SKIC3: variants seen among roughly 807,000 people sequenced by gnomAD.
SKIC3 encodes the protein superkiller complex protein 3.
the SKIC3 span, chr5:95,516,507 G>C: frequency 1.2e-6 from 2 of 1,613,032 alleles, no homozygotes; most frequent in East Asian, 2.2e-5. Flanking sequence ...CTTTTTCATA[G>C]ACACATAGAA....
the SKIC3 span, chr5:95,550,700 C>T: frequency 6.6e-6 from 1 of 152,392 alleles, no homozygotes; most frequent in East Asian, 1.9e-4. Flanking sequence ...AAGGATGACA[C>T]CCACAACCCA....
At chr5:95,504,910 C>T in the SKIC3 span, among the ~76,000 whole-genome samples, 3 of 151,858 alleles carry the variant, frequency 2.0e-5, no homozygotes, top group African/African-American at 7.3e-5. Context: ...GAGGCTGAGG[C>T]AGGAGAATCA....
chr5:95,554,228 T>C, the SKIC3 span, among the ~76,000 whole-genome samples: 4 of 151,950 alleles, frequency 2.6e-5, no homozygotes, highest in Admixed American at 2.0e-4. Flanking sequence ...AAAAAAAACC[T>C]GCCAGATATT....
the SKIC3 span, among the ~76,000 whole-genome samples, chr5:95,474,977 G>C: frequency 6.6e-6 from 1 of 152,088 alleles, no homozygotes; most frequent in Non-Finnish European, 1.5e-5. Context: ...TTCTTTCTTA[G>C]GATGACTATT....
chr5:95,468,094 G>T, the SKIC3 span: 1 of 1,424,876 alleles, frequency 7.0e-7, no homozygotes, highest in Non-Finnish European at 9.6e-7. Flanking sequence ...TTTTGCAGAT[G>T]TAGTGTCTGA....
the SKIC3 span, among the ~76,000 whole-genome samples, chr5:95,487,223 C>T: frequency 8.6e-3 from 1,303 of 152,294 alleles, 14 homozygotes; most frequent in South Asian, 0.035. Flanking sequence ...CTGGGACTGG[C>T]TCTCCTTGCT....
chr5:95,503,663 A>T, the SKIC3 span: 8 of 963,166 alleles, frequency 8.3e-6, no homozygotes, highest in Non-Finnish European at 1.3e-5. Flanking sequence ...AACAGATAAA[A>T]AAGTGCCTAG....
At chr5:95,528,925 CTA>C in the SKIC3 span, 4 of 1,249,632 alleles carry the variant, frequency 3.2e-6, no homozygotes, top group Admixed American at 1.9e-5. Context: ...TTAAAAATCA[CTA>C]TCTTTGTCCT....
the SKIC3 span, among the ~76,000 whole-genome samples, chr5:95,546,630 T>G: frequency 2.0e-5 from 3 of 152,132 alleles, no homozygotes; most frequent in Non-Finnish European, 4.4e-5. Context: ...CTCCTACCAC[T>G]ACCCTCTGTC....
the SKIC3 span, chr5:95,513,482 T>C: frequency 7.0e-7 from 1 of 1,428,696 alleles, no homozygotes; most frequent in Non-Finnish European, 9.8e-7. Context: ...CATAAGCCAC[T>C]ATGCCTAGCC....
chr5:95,544,100 C>T, the SKIC3 span, among the ~76,000 whole-genome samples: 248 of 152,284 alleles, frequency 1.6e-3, no homozygotes, highest in African/African-American at 5.5e-3. Flanking sequence ...ACACAACACT[C>T]CTAATAATCT....
the SKIC3 span, among the ~76,000 whole-genome samples, chr5:95,537,318 C>T: frequency 1.2e-4 from 18 of 152,158 alleles, no homozygotes; most frequent in Admixed American, 9.2e-4. Flanking sequence ...TGCATTCTAA[C>T]TCCAACTGGC....
At chr5:95,503,931 C>T in the SKIC3 span, 2 of 1,613,896 alleles carry the variant, frequency 1.2e-6, no homozygotes, top group South Asian at 2.2e-5. Flanking sequence ...TCATATTCAC[C>T]AGTGGAACTA....
the SKIC3 span, among the ~76,000 whole-genome samples, chr5:95,514,227 C>G: frequency 6.6e-6 from 1 of 152,032 alleles, no homozygotes; most frequent in Non-Finnish European, 1.5e-5. Flanking sequence ...GCAAGAACTT[C>G]GAGGCCACTC....
the SKIC3 span, chr5:95,498,472 T>C: frequency 6.2e-7 from 1 of 1,614,180 alleles, no homozygotes; most frequent in South Asian, 1.1e-5. Context: ...ACTGTCTTTG[T>C]GTTTGATGTG....
At chr5:95,492,652 GAAAAAAAAAAAAAAAAAA>G in the SKIC3 span, among the ~76,000 whole-genome samples, 21 of 48,844 alleles carry the variant, frequency 4.3e-4, no homozygotes, top group South Asian at 2.5e-3. Context: ...AAAAAAAAAA[GAAAAAAAAAAAAAAAAAA>G]AAAAAAAAAA....
chr5:95,529,979 T>C, the SKIC3 span: 2 of 1,365,180 alleles, frequency 1.5e-6, no homozygotes, highest in East Asian at 4.7e-5. Context: ...AGGTACATTT[T>C]TTCCCTTCCA....
the SKIC3 span, chr5:95,468,001 A>G: frequency 6.2e-7 from 1 of 1,612,890 alleles, no homozygotes; most frequent in Admixed American, 1.7e-5. Context: ...TGGAAAAAAA[A>G]AATTTACATT....
At chr5:95,527,969 T>C in the SKIC3 span, 33 of 1,611,226 alleles carry the variant, frequency 2.0e-5, no homozygotes, top group Admixed American at 2.0e-4. Context: ...GCCTGGTTGA[T>C]TGGAAACTAA....
Sources: gnomAD v4.1 joint callset for allele counts (sites outside exome capture counted in the v4.1 genomes callset) on GRCh38, gnomAD v4.1.1 for gene constraint, MANE v1.5 for transcripts, NCBI Gene and HGNC (gene_info 2026-07-23, HGNC 2026-07-21) for gene names.